Variants in TENM3 observed in about 807,000 individuals in gnomAD.
TENM3 encodes teneurin-3.
In TENM3, 63 loss-of-function variants were observed where a neutral mutation model predicts 255.1. The ratio of observed to expected loss-of-function variants is 0.25; its 90% CI spans 0.20 to 0.30. The LOEUF (loss-of-function observed/expected upper bound fraction) is 0.30. Among genes scored for constraint, TENM3 ranks in the 10% least tolerant of loss-of-function variants. The pLI is 1.00. For synonymous variants in TENM3, 1,306 were observed against 1,322.3 expected, an observed-to-expected ratio of 0.99 and a Z score of 0.27; for missense variants, 2,929 against 3,461.1, an observed-to-expected ratio of 0.85 and a Z score of 3.86.
the TENM3 span, among the ~76,000 whole-genome samples, chr4:181,891,804 T>C: frequency 6.6e-6 from 1 of 152,184 alleles, no homozygotes; most frequent in East Asian, 1.9e-4. Flanking sequence ...CCTAACTTTT[T>C]GTTAGGATCT....
At chr4:181,969,446 C>G in the TENM3 span, among the ~76,000 whole-genome samples, 1 of 152,156 alleles carries the variant, frequency 6.6e-6, no homozygotes, top group Admixed American at 6.5e-5. Context: ...ATATATTGAG[C>G]ATAAAATGTG....
At chr4:182,465,288 G>T (rs867319491) in intron 3 of TENM3, among the ~76,000 whole-genome samples, 3 of 152,098 alleles carry the variant, frequency 2.0e-5, no homozygotes, top group African/African-American at 2.4e-5. Context: ...TCACTGGGAG[G>T]GTATGAGGAG....
At chr4:182,167,197 C>T (rs1285800217) in intron 1 of TENM3, among the ~76,000 whole-genome samples, 5 of 152,182 alleles carry the variant, frequency 3.3e-5, no homozygotes, top group Non-Finnish European at 7.3e-5. Flanking sequence ...TGTTCTCACA[C>T]TTACAAAAAT....
At chr4:181,470,127 A>AAAAAAAAAAAAAAAAAAAG in the TENM3 span, among the ~76,000 whole-genome samples, 2 of 138,958 alleles carry the variant, frequency 1.4e-5, no homozygotes. Context: ...AAAAAAAAAC[A>AAAAAAAAAAAAAAAAAAAG]TTATTCAAAA....
chr4:182,599,264 C>T (rs1747593023), intron 3 of TENM3, among the ~76,000 whole-genome samples: 2 of 152,148 alleles, frequency 1.3e-5, no homozygotes, highest in African/African-American at 2.4e-5. Context: ...AACACAATGA[C>T]AACTGTATGT....
intron 3 of TENM3, among the ~76,000 whole-genome samples, chr4:182,571,767 A>G (rs1744399972): frequency 6.6e-6 from 1 of 152,222 alleles, no homozygotes; most frequent in African/African-American, 2.4e-5. Context: ...TTAAGAATGT[A>G]GATTTTTCCA....
At chr4:182,589,768 T>C (rs1746419119) in intron 3 of TENM3, among the ~76,000 whole-genome samples, 1 of 151,958 alleles carries the variant, frequency 6.6e-6, no homozygotes, top group Non-Finnish European at 1.5e-5. Context: ...AGGTCAGGAA[T>C]TTGAGACCAG....
the TENM3 span, among the ~76,000 whole-genome samples, chr4:181,706,199 G>A: frequency 6.6e-6 from 1 of 152,064 alleles, no homozygotes; most frequent in Non-Finnish European, 1.5e-5. Flanking sequence ...GTCCATGTCT[G>A]TGTCCAAATC....
chr4:182,014,487 A>G, the TENM3 span, among the ~76,000 whole-genome samples: 1 of 152,130 alleles, frequency 6.6e-6, no homozygotes, highest in Non-Finnish European at 1.5e-5. Context: ...AAGTGAGCGC[A>G]TTTCCTCTAG....
At chr4:181,800,703 T>C in the TENM3 span, among the ~76,000 whole-genome samples, 2 of 152,326 alleles carry the variant, frequency 1.3e-5, no homozygotes, top group South Asian at 4.1e-4. Flanking sequence ...GGTGCTTGAC[T>C]CTTGTCCCTC....
chr4:181,803,864 G>A, the TENM3 span, among the ~76,000 whole-genome samples: 3 of 150,438 alleles, frequency 2.0e-5, no homozygotes, highest in Middle Eastern at 0.01. Context: ...TGAGCCAGGA[G>A]GTCAGCGCTG....
chr4:181,769,779 T>G, the TENM3 span, among the ~76,000 whole-genome samples: 1 of 152,188 alleles, frequency 6.6e-6, no homozygotes, highest in Non-Finnish European at 1.5e-5. Context: ...TTTGCAGCCA[T>G]AATATGTAGG....
chr4:182,680,636 C>T lies in TENM3; in HGVS notation c.1733C>T (p.Pro578Leu), dbSNP rs763589038. The T allele has an allele frequency of 7.4e-6, 12 of 1,613,326 alleles. No homozygotes were observed. Among genetic ancestry groups the T allele is most frequent in the Middle Eastern group, 1.7e-4 (1 of 6,054 alleles). Residue 578 changes from proline (P) to leucine (L), a missense_variant, in exon 10 of 28, where the codon CCG becomes CTG. Pro to Leu is a moderately conservative substitution (Grantham distance 98). This residue lies in a region of TENM3 where 1,608 missense variants were observed against 1,884.4 expected (regional missense o/e 0.85). Coordinates refer to ENST00000511685, the MANE Select transcript of TENM3 (RefSeq NM_001080477.4). Reference protein sequence around the residue: ...SGWKGTECDVPTTQCIDPQCG... With the variant: ...SGWKGTECDVLTTQCIDPQCG... Reference sequence around the variant, plus strand: ...TGGAAGGGCACCGAGTGTGATGTGCCGACTACCCAGTGTATTGACCCACAG... The same window carrying T: ...TGGAAGGGCACCGAGTGTGATGTGCTGACTACCCAGTGTATTGACCCACAG...
At chr4:182,661,484 A>G (rs906245708) in intron 6 of TENM3, among the ~76,000 whole-genome samples, 30 of 152,244 alleles carry the variant, frequency 2.0e-4, no homozygotes, top group Admixed American at 1.8e-3. Context: ...GTTTTGTTCA[A>G]TAGTGTTCAT....
At chr4:182,332,565 G>GCC (rs1763834361) in intron 2 of TENM3, among the ~76,000 whole-genome samples, 1 of 151,876 alleles carries the variant, frequency 6.6e-6, no homozygotes, top group South Asian at 2.1e-4. Flanking sequence ...GTGGTGGTGG[G>GCC]CGCCTGTAAT....
Position 182,738,487 on chromosome 4 carries a change from G to C in TENM3, c.3322G>C (p.Ala1108Pro). 1 of 1,613,384 alleles carries C rather than the reference G, an allele frequency of 6.2e-7. No individual in the cohort carries two copies. Among genetic ancestry groups the C allele is most frequent in the Non-Finnish European group, 8.5e-7 (1 of 1,179,556 alleles). The change falls in exon 18 of 28, where the codon GCG becomes CCG. Residue 1108 changes from alanine to proline, a missense_variant. Around this residue, in one of 6 missense-constraint regions of TENM3, gnomAD observed 1,608 missense variants for 1,884.4 expected, o/e 0.85. Transcript: ENST00000511685. ...TAILQGYELD[A>P]SNMGGWTLDK... Reference sequence around the variant, plus strand: ...CATTCTGCAGGGCTATGAATTGGATGCGTCCAACATGGGTGGCTGGACATT... The same window carrying C: ...CATTCTGCAGGGCTATGAATTGGATCCGTCCAACATGGGTGGCTGGACATT...
intron 3 of TENM3, among the ~76,000 whole-genome samples, chr4:182,587,283 G>A (rs1166935470): frequency 6.6e-6 from 1 of 151,962 alleles, no homozygotes; most frequent in East Asian, 1.9e-4. Flanking sequence ...TTTTTTTGTA[G>A]ATGGCCAGGT....
chr4:181,843,561 A>T, the TENM3 span, among the ~76,000 whole-genome samples: 1 of 152,206 alleles, frequency 6.6e-6, no homozygotes, highest in East Asian at 1.9e-4. Context: ...TGAAATTTAC[A>T]GAAGATAGAA....
the TENM3 span, among the ~76,000 whole-genome samples, chr4:181,843,716 CTTTTTTTTT>C: frequency 9.6e-6 from 1 of 104,698 alleles, no homozygotes; most frequent in East Asian, 2.8e-4. Flanking sequence ...TAAGGGCCTT[CTTTTTTTTT>C]TTTTTTTTTT....
Sources: allele counts gnomAD v4.1 joint callset (sites outside exome capture counted in the v4.1 genomes callset), GRCh38; gene constraint gnomAD v4.1.1; regional missense constraint gnomAD v4.1.1; transcripts MANE v1.5; gene names NCBI Gene and HGNC (gene_info 2026-07-23, HGNC 2026-07-21).